Variants in NELL1 observed in about 807,000 individuals in gnomAD.
NELL1 encodes the protein neural EGFL like 1.
In NELL1, 76 loss-of-function variants were observed where a neutral mutation model predicts 107.4. The observed-to-expected ratio is 0.71, with a 90% CI of 0.59 to 0.86. The LOEUF is 0.86. Ranked by LOEUF, NELL1 falls within the 40% of genes least tolerant of loss-of-function variation. The pLI, the probability that NELL1 is intolerant of heterozygous loss-of-function variation, is 0.00. For synonymous variants in NELL1, 353 were observed against 341.2 expected (o/e 1.03, Z -0.38); for missense variants, 1,024 against 1,005.5 (o/e 1.02, Z -0.25).
At chr11:20,821,386 T>C (rs961730258) in intron 3 of NELL1, among the ~76,000 whole-genome samples, 4 of 152,198 alleles carry the variant, frequency 2.6e-5, no homozygotes, top group African/African-American at 9.6e-5. Flanking sequence ...AAGTGCCTGA[T>C]TGAGCTTAAG....
In NELL1 at chr11:21,034,762, T is replaced by G. The variant is rs78290378; in HGVS notation, c.1300+74202T>G. ...ACAGACCAGAGCTAAGAGGGAAATT[T>G]ATACCACTAAATGCCCACATCAAAA... On this transcript the variant is annotated intron_variant, in intron 12 of 19. Transcript: ENST00000357134. Among the ~76,000 whole-genome samples, 13 of 152,224 alleles carry G rather than the reference T, an allele frequency of 8.5e-5. No individual in the cohort carries two copies. The East Asian group carries it at 2.3e-3, about 27-fold the overall frequency.
At chr11:21,383,862 T>C (rs909197813) in intron 15 of NELL1, 3 of 151,808 alleles carry the variant, frequency 2.0e-5, no homozygotes, top group African/African-American at 7.3e-5. Context: ...CTTTGGCTTC[T>C]CAAGATCAGA....
intron 14 of NELL1, among the ~76,000 whole-genome samples, chr11:21,361,907 T>A (rs915009048): frequency 1.3e-5 from 2 of 152,138 alleles, no homozygotes; most frequent in Non-Finnish European, 2.9e-5. Flanking sequence ...GTTTTTTAAT[T>A]TCTTTAAGTT....
At chr11:20,862,185 C>T (rs908580460) in intron 4 of NELL1, among the ~76,000 whole-genome samples, 10 of 152,108 alleles carry the variant, frequency 6.6e-5, no homozygotes, top group South Asian at 2.1e-4. Flanking sequence ...CATGATGATT[C>T]GGATGCTAAA....
intron 16 of NELL1, among the ~76,000 whole-genome samples, chr11:21,540,722 A>G (rs1385082088): frequency 1.3e-5 from 2 of 152,122 alleles, no homozygotes; most frequent in Non-Finnish European, 2.9e-5. Context: ...CACCATCATG[A>G]GAACAGCCAG....
At chr11:21,172,853 G>A (rs1856635139) in intron 13 of NELL1, among the ~76,000 whole-genome samples, 1 of 151,650 alleles carries the variant, frequency 6.6e-6, no homozygotes, top group African/African-American at 2.4e-5. Context: ...GGAGGAAAAT[G>A]GGTATTTTTT....
At chr11:21,194,668 G>T (rs1010276281) in intron 13 of NELL1, among the ~76,000 whole-genome samples, 1 of 152,010 alleles carries the variant, frequency 6.6e-6, no homozygotes, top group Non-Finnish European at 1.5e-5. Context: ...AAGACCTACC[G>T]AATCAGCAAC....
chr11:21,195,185 A>G (rs1857126760), intron 13 of NELL1, among the ~76,000 whole-genome samples: 1 of 152,192 alleles, frequency 6.6e-6, no homozygotes, highest in Non-Finnish European at 1.5e-5. Flanking sequence ...TAAAAAATAC[A>G]TGCTTAAGAA....
chr11:21,044,703 A>G (rs1337686329), intron 12 of NELL1, among the ~76,000 whole-genome samples: 1 of 152,132 alleles, frequency 6.6e-6, no homozygotes, highest in Non-Finnish European at 1.5e-5. Context: ...TTTTTTCTTA[A>G]CAAGAAGTAA....
Position 21,198,662 on chromosome 11 carries a change from A to G in NELL1, c.1427-30670A>G, listed in dbSNP as rs540921152. On this transcript the variant is annotated intron_variant, in intron 13 of 19. Coordinates refer to ENST00000357134, the MANE Select transcript of NELL1 (RefSeq NM_006157.5). Reference sequence around the variant, plus strand: ...TTGCTCTGTCCTGCATTTCCATCCCATGTTTCACTGGAGCAATGTTCATAG... The same window carrying G: ...TTGCTCTGTCCTGCATTTCCATCCCGTGTTTCACTGGAGCAATGTTCATAG... Among the ~76,000 whole-genome samples the G allele has an allele frequency of 2.0e-5, 3 of 152,214 alleles. No homozygotes were observed. In the East Asian group the frequency reaches 5.8e-4, roughly 29 times the overall value.
chr11:20,676,670 A>C (rs1854066827), intron 1 of NELL1, among the ~76,000 whole-genome samples: 1 of 152,216 alleles, frequency 6.6e-6, no homozygotes, highest in Non-Finnish European at 1.5e-5. Context: ...AGAGTAAGGA[A>C]AGAGTAGATT....
At chr11:21,224,232 A>G (rs1434666487) in intron 13 of NELL1, among the ~76,000 whole-genome samples, 1 of 151,868 alleles carries the variant, frequency 6.6e-6, no homozygotes, top group African/African-American at 2.4e-5. Context: ...TTTTTAGCTA[A>G]TATTTTTATT....
intron 14 of NELL1, among the ~76,000 whole-genome samples, chr11:21,235,737 C>G (rs948830804): frequency 2.6e-5 from 4 of 152,042 alleles, no homozygotes; most frequent in African/African-American, 7.2e-5. Context: ...ACAAAGTGCT[C>G]TTAACACAGG....
At chr11:20,697,394 G>GC (rs1315315992) in intron 2 of NELL1, among the ~76,000 whole-genome samples, 12 of 122,736 alleles carry the variant, frequency 9.8e-5, no homozygotes, top group African/African-American at 3.8e-4. Flanking sequence ...TTAATATGTT[G>GC]CTTTTTTTTT....
chr11:21,571,534 G>C (rs1403175456), intron 18 of NELL1, among the ~76,000 whole-genome samples: 1 of 151,866 alleles, frequency 6.6e-6, no homozygotes, highest in African/African-American at 2.4e-5. Flanking sequence ...GACAAATACA[G>C]TACTTGGCTT....
At chr11:21,124,990 C>T (rs1343836259) in intron 13 of NELL1, among the ~76,000 whole-genome samples, 1 of 152,092 alleles carries the variant, frequency 6.6e-6, no homozygotes, top group East Asian at 1.9e-4. Context: ...ATAACCTAAT[C>T]ACTCCCAAGG....
intron 12 of NELL1, among the ~76,000 whole-genome samples, chr11:21,091,550 AC>A (rs1854521350): frequency 6.6e-6 from 1 of 152,196 alleles, no homozygotes; most frequent in Non-Finnish European, 1.5e-5. Flanking sequence ...CTGTTATCTC[AC>A]CATGCTTCTA....
intron 14 of NELL1, chr11:21,260,834 C>CA (rs1314905072): frequency 4.0e-5 from 6 of 151,682 alleles, no homozygotes; most frequent in Admixed American, 3.9e-4. Flanking sequence ...AATATGAAGA[C>CA]AGCTTTTTAA....
intron 2 of NELL1, among the ~76,000 whole-genome samples, chr11:20,721,655 C>T (rs1015749197): frequency 6.6e-6 from 1 of 152,172 alleles, no homozygotes; most frequent in Non-Finnish European, 1.5e-5. Flanking sequence ...GGAGGGGCAG[C>T]AAATATTTGT....
Sources: gnomAD v4.1 joint callset for allele counts (sites outside exome capture counted in the v4.1 genomes callset) on GRCh38, gnomAD v4.1.1 for gene constraint, MANE v1.5 for transcripts, NCBI Gene and HGNC (gene_info 2026-07-23, HGNC 2026-07-21) for gene names.